FNBP4: variants seen among roughly 807,000 people sequenced by gnomAD.
FNBP4 encodes formin-binding protein 4.
Under a neutral mutation model 119.3 loss-of-function variants are expected in FNBP4, and 34 were observed. The observed-to-expected ratio is 0.28, with a 90% CI of 0.22 to 0.38. FNBP4 has a LOEUF of 0.38. Among genes scored for constraint, FNBP4 ranks in the 10% least tolerant of loss-of-function variants. FNBP4 has a pLI of 1.00. For missense variants in FNBP4, 1,112 were observed against 1,228.9 expected, an observed-to-expected ratio of 0.90 and a Z score of 1.42; for synonymous variants, 462 against 430.6, an observed-to-expected ratio of 1.07 and a Z score of -0.90.
chr11:47,763,796 G>A (rs2097641188), intron 2 of FNBP4, among the ~76,000 whole-genome samples: 1 of 152,112 alleles, frequency 6.6e-6, no homozygotes, highest in African/African-American at 2.4e-5. Flanking sequence ...CACTGTGCCT[G>A]GCCCAGAGCC....
At position 47,732,326 on chromosome 11, in the gene FNBP4, A is replaced by G; in HGVS notation, c.1820+211T>C. 2 of 1,430,492 alleles carry G rather than the reference A, an allele frequency of 1.4e-6. No individual in the cohort carries two copies. Among genetic ancestry groups the G allele is most frequent in the South Asian group, 1.5e-5 (1 of 65,796 alleles). 88.6% of individuals were successfully genotyped at this position (1,430,492 alleles called of 1,614,324 possible). On this transcript the variant is annotated intron_variant, in intron 11 of 16. Coordinates refer to ENST00000263773, the MANE Select transcript of FNBP4 (RefSeq NM_015308.5). This position sits in a 1 kb window ranked among gnomAD's most constrained non-coding sequence, Gnocchi z 4.2. Reference sequence around the variant, plus strand: ...AGCTTTGTCCATATCTTGGGAAAAAATCCGTTACATGGAACACTTTAAACA... The same window carrying G: ...AGCTTTGTCCATATCTTGGGAAAAAGTCCGTTACATGGAACACTTTAAACA...
At chr11:47,748,509 G>T (rs1304455047) in intron 6 of FNBP4, among the ~76,000 whole-genome samples, 1 of 151,756 alleles carries the variant, frequency 6.6e-6, no homozygotes, top group East Asian at 1.9e-4. Context: ...TGAGTAGCTG[G>T]GACTACAGGT....
intron 1 of FNBP4, among the ~76,000 whole-genome samples, chr11:47,766,404 G>C (rs762768321): frequency 2.6e-5 from 4 of 152,204 alleles, no homozygotes; most frequent in Admixed American, 2.0e-4. Context: ...GGCTATGATA[G>C]GACCTTTACA....
intron 2 of FNBP4, among the ~76,000 whole-genome samples, chr11:47,755,818 A>AAAT (rs1362602575): frequency 6.6e-6 from 1 of 152,028 alleles, no homozygotes; most frequent in Non-Finnish European, 1.5e-5. Flanking sequence ...AAAACAAAAA[A>AAAT]AATCGAGAAC....
chr11:47,752,105 C>A (rs1337223049), intron 4 of FNBP4, among the ~76,000 whole-genome samples: 1 of 152,088 alleles, frequency 6.6e-6, no homozygotes, highest in Non-Finnish European at 1.5e-5. Flanking sequence ...GACTATCCTA[C>A]CTACCATCTT....
At chr11:47,727,866 C>G (rs1229374500) in intron 12 of FNBP4, among the ~76,000 whole-genome samples, 1 of 152,144 alleles carries the variant, frequency 6.6e-6, no homozygotes, top group Non-Finnish European at 1.5e-5. Flanking sequence ...AGCCCAAGGA[C>G]AGATTAAAGT....
intron 2 of FNBP4, among the ~76,000 whole-genome samples, chr11:47,763,309 C>A (rs919077769): frequency 1.3e-5 from 2 of 150,042 alleles, no homozygotes; most frequent in African/African-American, 4.9e-5. Context: ...ACTAAAAATA[C>A]AAAAATTAGC....
intron 12 of FNBP4, among the ~76,000 whole-genome samples, chr11:47,731,096 G>A (rs1019454351): frequency 6.6e-6 from 1 of 152,130 alleles, no homozygotes; most frequent in Non-Finnish European, 1.5e-5. Context: ...GAGACCCACA[G>A]CTTAGTCAGT....
rs1465857859 is a variant in FNBP4, at chr11:47,767,263, G to A, written c.26C>T (p.Pro9Leu). The stretch of plus-strand genomic sequence containing the variant: ...GAGTTGCAGGATGGGCCTACGGCCG[G>A]GTACCGCCCGGGACTTCTTCCCCAT... The part of the protein sequence containing the change: MGKKSRAV[P>L]GRRPILQLSP... The change falls in exon 1 of 17, where the codon CCC (proline) becomes CTC (leucine). Residue 9 changes from proline (P) to leucine (L), a missense_variant. Pro to Leu is a moderately conservative substitution (Grantham distance 98, BLOSUM62 -3). Coordinates refer to ENST00000263773, the MANE Select transcript of FNBP4 (RefSeq NM_015308.5). 6.4e-7 allele frequency: 1 copy of A among 1,550,430 alleles called. No individual in the cohort carries two copies.
In FNBP4 at chr11:47,732,993, C is replaced by T. The variant is rs1397541535; in HGVS notation, c.1687-323G>A. 2.6e-5 allele frequency among the ~76,000 whole-genome samples: 4 copies of T among 152,266 alleles called. No homozygotes were observed. The highest frequency in any genetic ancestry group is 2.9e-5 in the Non-Finnish European group (2 of 68,014). The stretch of plus-strand genomic sequence containing the variant: ...ATTAGCTGGGCTTGGTGGCAGGCGC[C>T]TGTAATCCCAGCTACTCGAGAGGCT... On this transcript the variant is annotated intron_variant, in intron 10 of 16. Transcript: ENST00000263773. This position sits in a 1 kb window ranked among gnomAD's most constrained non-coding sequence, Gnocchi z 4.2.
rs369988592 is a variant in FNBP4 at position 47,755,976 on chromosome 11, C to T, written c.314-1312G>A. Among the ~76,000 whole-genome samples, 7 of 152,136 alleles carry T rather than the reference C, an allele frequency of 4.6e-5. No individual in the cohort carries two copies. In the South Asian group the frequency reaches 1.5e-3, roughly 32 times the overall value. ...GCCAATTACAGTGTAGCAGCTGAAA[C>T]AAAGACTTTCAAAAACTAAAGAAAT... On this transcript the variant is annotated intron_variant, in intron 2 of 16. Coordinates refer to ENST00000263773, the MANE Select transcript of FNBP4 (RefSeq NM_015308.5).
At chr11:47,720,150 A>G in intron 15 of FNBP4, 64 bp from the exon 16 acceptor site, 1 of 1,465,290 alleles carries the variant, frequency 6.8e-7, no homozygotes, top group Non-Finnish European at 9.2e-7. Context: ...CGTCCTCTAC[A>G]ATGGAGGTCA....
chr11:47,758,465 G>T (rs1007612290), intron 2 of FNBP4, among the ~76,000 whole-genome samples: 1 of 152,148 alleles, frequency 6.6e-6, no homozygotes, highest in Non-Finnish European at 1.5e-5. Context: ...GCCTCCCAAA[G>T]TGCTGACATT....
intron 16 of FNBP4, among the ~76,000 whole-genome samples, chr11:47,718,543 T>G (rs890110853): frequency 6.6e-6 from 1 of 152,200 alleles, no homozygotes; most frequent in Non-Finnish European, 1.5e-5. Flanking sequence ...CTCTTTCAAG[T>G]AGTTTTATTT....
intron 2 of FNBP4, among the ~76,000 whole-genome samples, chr11:47,760,524 C>G (rs6485778): frequency 6.6e-6 from 1 of 151,228 alleles, no homozygotes; most frequent in Non-Finnish European, 1.5e-5. Context: ...CTCTGCCTCC[C>G]GTGTTCAAGC....
chr11:47,762,362 T>C (rs2097637355), intron 2 of FNBP4, among the ~76,000 whole-genome samples: 1 of 151,456 alleles, frequency 6.6e-6, no homozygotes, highest in African/African-American at 2.4e-5. Flanking sequence ...CTCCCGACCT[T>C]GTCATCCGCC....
intron 2 of FNBP4, among the ~76,000 whole-genome samples, chr11:47,756,499 C>T (rs1164428480): frequency 1.3e-5 from 2 of 151,958 alleles, no homozygotes; most frequent in South Asian, 2.1e-4. Context: ...GCCTTAGTAT[C>T]GTAATTCCTG....
At position 47,754,249 on chromosome 11, in the gene FNBP4, C is replaced by T. The variant is rs182489689; in HGVS notation, c.450+279G>A. Reference sequence around the variant, plus strand: ...GGAGAGACAGCCAGGTGTGATGGCTCACACCTATAATCCCAGCACTTTGGA... The same window carrying T: ...GGAGAGACAGCCAGGTGTGATGGCTTACACCTATAATCCCAGCACTTTGGA... On this transcript the variant is annotated intron_variant, in intron 3 of 16. Coordinates refer to ENST00000263773, the MANE Select transcript of FNBP4 (RefSeq NM_015308.5). Among the ~76,000 whole-genome samples, 2 of 151,460 alleles carry T rather than the reference C, an allele frequency of 1.3e-5. 1 individual carries two copies. The highest frequency in any genetic ancestry group is 3.9e-4 in the East Asian group (2 of 5,160).
At position 47,717,467 on chromosome 11, in the gene FNBP4, A is replaced by G. The variant is rs2097551123; in HGVS notation, c.3009T>C (p.Asp1003=). ...TCCTTCTCTTCAGCCTTGCTCTCCA[A>G]TCCTCAGGAAGGGCTTCAAAATTAG... The part of the protein sequence containing the change: ...RNANFEALPE[D]WRARLKRRKM... The change falls in exon 17 of 17, where the codon GAT becomes GAC. Residue 1003 remains aspartate, a synonymous_variant. Coordinates refer to ENST00000263773, the MANE Select transcript of FNBP4 (RefSeq NM_015308.5). 4 of 1,613,364 alleles carry G rather than the reference A, an allele frequency of 2.5e-6. No individual in the cohort carries two copies. The East Asian group carries it at 6.7e-5, about 27-fold the overall frequency.
Sources: allele counts gnomAD v4.1 joint callset (sites outside exome capture counted in the v4.1 genomes callset), GRCh38; gene constraint gnomAD v4.1.1; non-coding constraint Gnocchi (gnomAD v3.1); transcripts MANE v1.5; gene names NCBI Gene and HGNC (gene_info 2026-07-23, HGNC 2026-07-21).